Variants in FSIP1 observed in about 807,000 individuals in gnomAD.
FSIP1 encodes the protein fibrous sheath interacting protein 1, also known as fibrous sheath-interacting protein 1.
Under a neutral mutation model 60.9 loss-of-function variants are expected in FSIP1, and 65 were observed. The observed-to-expected ratio is 1.07, with a 90% CI of 0.87 to 1.31. The LOEUF (loss-of-function observed/expected upper bound fraction) is 1.31, where lower values mean the gene tolerates loss of function less well. Among genes scored for constraint, FSIP1 ranks in the 40% most tolerant of loss-of-function variants. FSIP1 has a pLI of 0.00. For missense variants in FSIP1, 675 were observed against 665.5 expected, an observed-to-expected ratio of 1.01 and a Z score of -0.16; for synonymous variants, 209 against 221.2, an observed-to-expected ratio of 0.94 and a Z score of 0.49.
chr15:39,610,710 TC>T (rs1429309051), intron 11 of FSIP1, among the ~76,000 whole-genome samples: 41 of 151,944 alleles, frequency 2.7e-4, no homozygotes, highest in African/African-American at 8.5e-4. Context: ...AGACAAAGAA[TC>T]CTGAAAGCAG....
intron 10 of FSIP1, among the ~76,000 whole-genome samples, chr15:39,626,976 C>G (rs200328249): frequency 0.12 from 18,768 of 151,982 alleles, 1,375 homozygotes; most frequent in East Asian, 0.21. Context: ...CTGGACCCTT[C>G]CCCCCTCACC....
chr15:39,602,016 C>G, intron 11 of FSIP1, among the ~76,000 whole-genome samples: 1 of 152,138 alleles, frequency 6.6e-6, no homozygotes, highest in East Asian at 1.9e-4. Flanking sequence ...GAATTGCACA[C>G]TTTTAATGGG....
At position 39,715,640 on chromosome 15, in the gene FSIP1, C is replaced by G. The variant is rs1463321040; in HGVS notation, c.1051-2059G>C. On this transcript the variant is annotated intron_variant, in intron 9 of 11. Transcript: ENST00000350221. ...TCTCACTTCTGGTAGCTTTCAATCT[C>G]TAGAAGCATCCTGATATCGTTTGGA... Among the ~76,000 whole-genome samples the G allele has an allele frequency of 3.9e-5, 6 of 152,194 alleles. No individual in the cohort carries two copies. In the East Asian group the frequency reaches 1.2e-3, roughly 29 times the overall value.
In FSIP1 at chr15:39,763,854, A is replaced by T. The variant is rs767278760; in HGVS notation, c.526T>A (p.Leu176Ile). Residue 176 changes from leucine (L) to isoleucine (I), a missense_variant, in exon 5 of 12, where the codon TTA (leucine) becomes ATA (isoleucine). Leu to Ile is a conservative substitution (Grantham distance 5). Transcript: ENST00000350221. ...KEEMENTKKF[L>I]SLTAVSEETV... The stretch of plus-strand genomic sequence containing the variant: ...TCTTCAGAAACAGCAGTCAAAGATA[A>T]AAATTTTTTTGTATTTTCCATCTCC... 6.3e-7 allele frequency: 1 copy of T among 1,599,202 alleles called. No individual in the cohort carries two copies. The highest frequency in any genetic ancestry group is 1.1e-5 in the South Asian group (1 of 90,520).
chr15:39,750,926 C>T (rs902547317), intron 5 of FSIP1, among the ~76,000 whole-genome samples: 3 of 151,746 alleles, frequency 2.0e-5, no homozygotes, highest in African/African-American at 7.3e-5. Flanking sequence ...AGAACTCATA[C>T]AACTCAATAG....
rs1285887464 is a variant in FSIP1, at chr15:39,685,168, G to C, written c.1188+28276C>G. ...AATTCCAAGAGCATCTTTAGGGAAAGTTTTTAGTTAAAGTTTGTGTTGTTC... is the reference window on the plus strand; with the variant it reads ...AATTCCAAGAGCATCTTTAGGGAAACTTTTTAGTTAAAGTTTGTGTTGTTC... On this transcript the variant is annotated intron_variant, in intron 10 of 11. Transcript: ENST00000350221. Among the ~76,000 whole-genome samples the C allele has an allele frequency of 1.1e-4, 16 of 152,308 alleles. 2 individuals are homozygous for C. The East Asian group carries it at 2.1e-3, about 20-fold the overall frequency.
At position 39,689,386 on chromosome 15, in the gene FSIP1, C is replaced by G. The variant is rs147762663; in HGVS notation, c.1188+24058G>C. Among the ~76,000 whole-genome samples, 3 of 152,148 alleles carry G rather than the reference C, an allele frequency of 2.0e-5. No individual in the cohort carries two copies. The East Asian group carries it at 5.8e-4, about 29-fold the overall frequency. ...TGGTGATGAGCTTAATCTCCAGACC[C>G]TCTCCCCTCCCTGGACATCTAGGGT... On this transcript the variant is annotated intron_variant, in intron 10 of 11. Coordinates refer to ENST00000350221, the MANE Select transcript of FSIP1 (RefSeq NM_152597.5).
Sources: allele counts gnomAD v4.1 joint callset (sites outside exome capture counted in the v4.1 genomes callset), GRCh38; gene constraint gnomAD v4.1.1; transcripts MANE v1.5; gene names NCBI Gene and HGNC (gene_info 2026-07-23, HGNC 2026-07-21).